Variants in SGIP1 observed in about 807,000 individuals in gnomAD.
The protein encoded by SGIP1 is SH3-containing GRB2-like protein 3-interacting protein 1.
A neutral mutation model predicts 107.5 loss-of-function variants in SGIP1; 38 were observed. The ratio of observed to expected loss-of-function variants is 0.35; its 90% CI spans 0.27 to 0.46. The LOEUF is 0.46. Among genes scored for constraint, SGIP1 ranks in the 20% least tolerant of loss-of-function variants. The probability of loss-of-function intolerance (pLI) is 1.00; values close to 1 mark genes in which losing one functional copy is unlikely to be tolerated. For synonymous variants in SGIP1, 365 were observed against 366.1 expected, an observed-to-expected ratio of 1.00 and a Z score of 0.03; for missense variants, 929 against 1,019.5, an observed-to-expected ratio of 0.91 and a Z score of 1.21.
At chr1:66,597,065 T>G (rs1437381040) in intron 1 of SGIP1, among the ~76,000 whole-genome samples, 1 of 152,232 alleles carries the variant, frequency 6.6e-6, no homozygotes, top group Non-Finnish European at 1.5e-5. Flanking sequence ...AAATTTATTT[T>G]AGTACATGTG....
intron 20 of SGIP1, among the ~76,000 whole-genome samples, chr1:66,729,706 G>A (rs934301106): frequency 1.3e-5 from 2 of 152,196 alleles, no homozygotes; most frequent in Admixed American, 6.5e-5. Context: ...TTTGTTCATC[G>A]TCTGTTTTAC....
At chr1:66,598,423 T>TTTCACTTAA in intron 1 of SGIP1, among the ~76,000 whole-genome samples, 1 of 152,244 alleles carries the variant, frequency 6.6e-6, no homozygotes, top group Non-Finnish European at 1.5e-5. Context: ...ATCTGTCAGA[T>TTTCACTTAA]GCTGAATGAG....
chr1:66,685,739 C>G (rs2088046077), intron 15 of SGIP1, among the ~76,000 whole-genome samples: 1 of 152,150 alleles, frequency 6.6e-6, no homozygotes. Context: ...ATTTTAGTTG[C>G]TTAACATTAA....
chr1:66,538,674 T>C (rs532386404), intron 1 of SGIP1, among the ~76,000 whole-genome samples: 1 of 152,286 alleles, frequency 6.6e-6, no homozygotes, highest in Non-Finnish European at 1.5e-5. Context: ...TGTTTTCCCA[T>C]AGGAATAATG....
intron 1 of SGIP1, among the ~76,000 whole-genome samples, chr1:66,613,739 G>A (rs988316209): frequency 3.3e-5 from 5 of 152,152 alleles, no homozygotes; most frequent in South Asian, 2.1e-4. Context: ...ATGCATATAC[G>A]CACCTTTGAT....
At chr1:66,668,372 G>A (rs1411915612) in intron 9 of SGIP1, among the ~76,000 whole-genome samples, 1 of 151,976 alleles carries the variant, frequency 6.6e-6, no homozygotes, top group African/African-American at 2.4e-5. Context: ...TGTATTTTTA[G>A]TAGAGACAGG....
chr1:66,644,719 C>T (rs977503707), intron 7 of SGIP1, among the ~76,000 whole-genome samples: 4 of 152,168 alleles, frequency 2.6e-5, no homozygotes, highest in Non-Finnish European at 4.4e-5. Context: ...TGAAAAGTGT[C>T]TATAATGACG....
At chr1:66,715,896 A>C (rs935922874) in intron 18 of SGIP1, among the ~76,000 whole-genome samples, 1 of 152,186 alleles carries the variant, frequency 6.6e-6, no homozygotes, top group South Asian at 2.1e-4. Context: ...AAAATATAAG[A>C]AAATTTTTAG....
chr1:66,707,669 T>A (rs2092618116), intron 18 of SGIP1, among the ~76,000 whole-genome samples: 2 of 152,190 alleles, frequency 1.3e-5, no homozygotes. Context: ...AATGTGACAG[T>A]TTCTCCCACC....
chr1:66,747,904 A>T lies in SGIP1; in HGVS notation c.*4809A>T, dbSNP rs1315564560. Reference sequence around the variant, plus strand: ...GATCAGCAATTTTTTTAAAAAATGGAAGTGTTACATTATATTTAATAATAT... The same window carrying T: ...GATCAGCAATTTTTTTAAAAAATGGTAGTGTTACATTATATTTAATAATAT... On this transcript the variant is annotated 3_prime_UTR_variant, in exon 25 of 25. Coordinates refer to ENST00000371037, the MANE Select transcript of SGIP1 (RefSeq NM_032291.4). 1 of 151,998 alleles carries T rather than the reference A, an allele frequency of 6.6e-6. No individual in the cohort carries two copies. The highest frequency in any genetic ancestry group is 1.5e-5 in the Non-Finnish European group (1 of 67,872). 9.4% of individuals were successfully genotyped at this position (151,998 alleles called of 1,614,324 possible).
chr1:66,551,818 G>A (rs185257728), intron 1 of SGIP1, among the ~76,000 whole-genome samples: 5 of 152,266 alleles, frequency 3.3e-5, no homozygotes, highest in East Asian at 1.9e-4. Context: ...TAAGGCACCT[G>A]CCTCCAACGT....
intron 17 of SGIP1, among the ~76,000 whole-genome samples, chr1:66,691,977 A>T (rs201100243): frequency 6.6e-6 from 1 of 151,948 alleles, no homozygotes; most frequent in Non-Finnish European, 1.5e-5. Context: ...TGGCCAACAT[A>T]GTGAAACCCC....
chr1:66,693,811 T>C (rs1229255762), intron 17 of SGIP1, among the ~76,000 whole-genome samples: 1 of 152,186 alleles, frequency 6.6e-6, no homozygotes, highest in Non-Finnish European at 1.5e-5. Flanking sequence ...CTGGATACCA[T>C]AGACAAAGAT....
intron 8 of SGIP1, among the ~76,000 whole-genome samples, chr1:66,662,898 A>G (rs1463627781): frequency 6.6e-6 from 1 of 152,202 alleles, no homozygotes; most frequent in Non-Finnish European, 1.5e-5. Context: ...GAAATATAGC[A>G]ATAATAACAG....
rs530804778 is a variant in SGIP1, at chr1:66,586,287, T to C, written c.11-39560T>C. Among the ~76,000 whole-genome samples the C allele has an allele frequency of 3.6e-3, 544 of 152,290 alleles. 1 individual carries two copies. The highest frequency in any genetic ancestry group is 6.8e-3 in the Admixed American group (104 of 15,290). ...AGATGGGTCATATTTTTAAATCCCC[T>C]TGACCAATCTTTATCTTTTAGTTGG... On this transcript the variant is annotated intron_variant, in intron 1 of 24. Coordinates refer to ENST00000371037, the MANE Select transcript of SGIP1 (RefSeq NM_032291.4).
intron 1 of SGIP1, among the ~76,000 whole-genome samples, chr1:66,619,203 TGA>T (rs775081605): frequency 1.3e-5 from 2 of 152,140 alleles, no homozygotes; most frequent in Non-Finnish European, 2.9e-5. Flanking sequence ...CAGTGAGGGA[TGA>T]GAGGCAGGAG....
intron 1 of SGIP1, among the ~76,000 whole-genome samples, chr1:66,600,978 C>T (rs896979021): frequency 5.9e-5 from 9 of 152,106 alleles, no homozygotes; most frequent in Non-Finnish European, 1.3e-4. Context: ...TGCTTTAGTG[C>T]TCAAACCTTT....
At position 66,744,911 on chromosome 1, in the gene SGIP1, G is replaced by A. The variant is rs2150804450; in HGVS notation, c.*1816G>A. The A allele has an allele frequency of 6.6e-6, 1 of 152,438 alleles. No individual in the cohort carries two copies. Among genetic ancestry groups the A allele is most frequent in the Non-Finnish European group, 1.5e-5 (1 of 67,882 alleles). The allele number at this position is 152,438 out of a possible 1,614,324, so 9.4% of individuals were successfully genotyped here. A position where few individuals can be genotyped will look rare whatever the true frequency, so the allele number is the denominator to read the frequency against. Reference sequence around the variant, plus strand: ...TGATTTTGAAACCAAAATAGAAAATGCAAAATTCTAAATTCCATGAAACAT... The same window carrying A: ...TGATTTTGAAACCAAAATAGAAAATACAAAATTCTAAATTCCATGAAACAT... On this transcript the variant is annotated 3_prime_UTR_variant, in exon 25 of 25. Transcript: ENST00000371037.
intron 1 of SGIP1, among the ~76,000 whole-genome samples, chr1:66,610,914 A>G (rs918644453): frequency 6.6e-6 from 1 of 152,160 alleles, no homozygotes; most frequent in Non-Finnish European, 1.5e-5. Context: ...GCTCTCACTC[A>G]TAAGTGGGAG....
Sources: allele counts gnomAD v4.1 joint callset (sites outside exome capture counted in the v4.1 genomes callset), GRCh38; gene constraint gnomAD v4.1.1; transcripts MANE v1.5; gene names NCBI Gene and HGNC (gene_info 2026-07-23, HGNC 2026-07-21).